CEP83: variants seen among roughly 807,000 people sequenced by gnomAD.
CEP83 encodes centrosomal protein 83.
In CEP83, 70 loss-of-function variants were observed where a neutral mutation model predicts 101.9. That is an observed-to-expected ratio of 0.69 (90% CI 0.57 to 0.84). CEP83 has a LOEUF of 0.84. Ranked by LOEUF, CEP83 falls within the 40% of genes least tolerant of loss-of-function variation. The pLI, the probability that CEP83 is intolerant of heterozygous loss-of-function variation, is 0.00. For missense variants in CEP83, 715 were observed against 787.2 expected (o/e 0.91, Z 1.10); for synonymous variants, 264 against 267.9 (o/e 0.99, Z 0.14).
intron 14 of CEP83, among the ~76,000 whole-genome samples, chr12:94,330,400 T>C (rs943561254): frequency 8.5e-5 from 13 of 152,230 alleles, no homozygotes; most frequent in Non-Finnish European, 1.8e-4. Context: ...GGACCTGTTA[T>C]ATTATTCTTG....
chr12:94,395,609 G>T (rs1051793064), intron 6 of CEP83, among the ~76,000 whole-genome samples: 2 of 152,100 alleles, frequency 1.3e-5, no homozygotes, highest in African/African-American at 2.4e-5. Context: ...AGATCATGAG[G>T]TCAGGAGATC....
chr12:94,298,744 A>G, the CEP83 span: 1 of 1,613,444 alleles, frequency 6.2e-7, no homozygotes, highest in Non-Finnish European at 8.5e-7. Flanking sequence ...GCCCAGGCTG[A>G]AAACAAAAAA....
At chr12:94,342,816 T>C (rs1229586180) in intron 11 of CEP83, among the ~76,000 whole-genome samples, 1 of 151,494 alleles carries the variant, frequency 6.6e-6, no homozygotes, top group African/African-American at 2.4e-5. Flanking sequence ...CAATTTTTAA[T>C]GCTAAACGCT....
intron 15 of CEP83, among the ~76,000 whole-genome samples, chr12:94,311,472 G>A (rs796229862): frequency 6.6e-6 from 1 of 152,104 alleles, no homozygotes; most frequent in African/African-American, 2.4e-5. Flanking sequence ...TTCTGAAGTG[G>A]GGGGCAGTCT....
chr12:94,354,193 T>C (rs971514993), intron 11 of CEP83, among the ~76,000 whole-genome samples: 1 of 151,978 alleles, frequency 6.6e-6, no homozygotes, highest in African/African-American at 2.4e-5. Flanking sequence ...TCATTCTTCT[T>C]CTTCTTTTTT....
intron 7 of CEP83, among the ~76,000 whole-genome samples, chr12:94,376,896 C>T (rs2061583560): frequency 6.6e-6 from 1 of 152,058 alleles, no homozygotes; most frequent in South Asian, 2.1e-4. Context: ...CACACCATGG[C>T]ACCTGGCTAA....
At chr12:94,326,728 C>A (rs2058988144) in intron 14 of CEP83, among the ~76,000 whole-genome samples, 1 of 152,150 alleles carries the variant, frequency 6.6e-6, no homozygotes, top group Non-Finnish European at 1.5e-5. Flanking sequence ...CACAGGGAGA[C>A]CATCATGTAA....
At position 94,310,940 on chromosome 12, in the gene CEP83, A is replaced by G. The variant is rs182643784; in HGVS notation, c.1812-833T>C. On this transcript the variant is annotated intron_variant, in intron 15 of 16. Transcript: ENST00000397809. ...AGTATCTTTTGTATATTAATAAGAT[A>G]ACTGGTGGCTGGGGGCCCCTGAATA... Among the ~76,000 whole-genome samples, 140 of 152,326 alleles carry G rather than the reference A, an allele frequency of 9.2e-4. 1 individual carries two copies. Among genetic ancestry groups the G allele is most frequent in the East Asian group, 5.0e-3 (26 of 5,190 alleles).
Position 94,351,078 on chromosome 12 carries a change from G to GA in CEP83, c.1344-15415dup, listed in dbSNP as rs372921845. 1.3e-3 allele frequency among the ~76,000 whole-genome samples: 200 copies of GA among 149,044 alleles called. 1 individual carries two copies. The highest frequency in any genetic ancestry group is 4.5e-3 in the African/African-American group (185 of 40,682). ...AGAACAACAGAATTCACATGAAAGA[G>GA]AAAAAAAAAATCCACTTAATCATGG... On this transcript the variant is annotated intron_variant, in intron 11 of 16. Transcript: ENST00000397809.
chr12:94,303,769 A>G, downstream of CEP83: 1 of 1,553,078 alleles, frequency 6.4e-7, no homozygotes, highest in Non-Finnish European at 8.6e-7. Context: ...GCACCAACTA[A>G]TAAGCTTCTC....
In CEP83 at chr12:94,444,379, C is replaced by T. The variant is rs534551559; in HGVS notation, c.-154-9052G>A. 3.9e-5 allele frequency among the ~76,000 whole-genome samples: 6 copies of T among 152,214 alleles called. No individual in the cohort carries two copies. In the East Asian group the frequency reaches 5.8e-4, roughly 15 times the overall value. On this transcript the variant is annotated intron_variant, in intron 1 of 16. Transcript: ENST00000397809. Reference sequence around the variant, plus strand: ...GGCCATTGTACTCCAGCCTGGGCAACAAGAACAAAACTCCAACTCCGAAAA... The same window carrying T: ...GGCCATTGTACTCCAGCCTGGGCAATAAGAACAAAACTCCAACTCCGAAAA...
chr12:94,458,172 G>A (rs1446004357), intron 1 of CEP83, among the ~76,000 whole-genome samples: 1 of 150,220 alleles, frequency 6.7e-6, no homozygotes, highest in Non-Finnish European at 1.5e-5. Flanking sequence ...ACTCCAGCCT[G>A]AGCGACAAGA....
downstream of CEP83, chr12:94,303,731 G>GGTT: frequency 4.5e-6 from 5 of 1,113,684 alleles, no homozygotes; most frequent in Admixed American, 3.6e-5. Flanking sequence ...GGTGATGGTT[G>GGTT]CTTTTTTTTT....
At chr12:94,320,305 T>A (rs932469686) in intron 14 of CEP83, among the ~76,000 whole-genome samples, 2 of 152,208 alleles carry the variant, frequency 1.3e-5, no homozygotes, top group South Asian at 2.1e-4. Flanking sequence ...AGCTTGCCAC[T>A]CTGTGCCTTT....
intron 11 of CEP83, among the ~76,000 whole-genome samples, chr12:94,348,207 T>C (rs925201567): frequency 6.6e-6 from 1 of 151,656 alleles, no homozygotes; most frequent in Middle Eastern, 3.4e-3. Flanking sequence ...GAAATAAGCA[T>C]TGAAACAGAA....
At chr12:94,371,183 T>C (rs1042961369) in intron 8 of CEP83, among the ~76,000 whole-genome samples, 1 of 152,186 alleles carries the variant, frequency 6.6e-6, no homozygotes, top group African/African-American at 2.4e-5. Context: ...AAACTTTATA[T>C]ACCATACAAA....
chr12:94,429,750 G>C (rs2065477905), intron 2 of CEP83, among the ~76,000 whole-genome samples: 1 of 152,110 alleles, frequency 6.6e-6, no homozygotes, highest in South Asian at 2.1e-4. Flanking sequence ...CCACTGCCCA[G>C]GCTAAAGCAC....
chr12:94,376,696 C>G (rs867656429), intron 7 of CEP83, among the ~76,000 whole-genome samples: 28 of 109,258 alleles, frequency 2.6e-4, no homozygotes, highest in Non-Finnish European at 4.7e-4. Flanking sequence ...TATATACACA[C>G]ACACACACAC....
chr12:94,411,929 C>CGT, intron 3 of CEP83, 82 bp from the exon 4 acceptor site: 1 of 1,081,018 alleles, frequency 9.3e-7, no homozygotes, highest in African/African-American at 1.6e-5. Flanking sequence ...CAATCAACAC[C>CGT]ACAGAAAAAC....
Sources: gnomAD v4.1 joint callset for allele counts (sites outside exome capture counted in the v4.1 genomes callset) on GRCh38, gnomAD v4.1.1 for gene constraint, MANE v1.5 for transcripts, NCBI Gene and HGNC (gene_info 2026-07-23, HGNC 2026-07-21) for gene names.